TYR: variants seen among roughly 807,000 people sequenced by gnomAD.
The protein encoded by TYR is LB24-AB.
In TYR, 58 loss-of-function variants were observed where a neutral mutation model predicts 51.5. That is an observed-to-expected ratio of 1.13 (90% confidence interval 0.91 to 1.40). The LOEUF (loss-of-function observed/expected upper bound fraction) is 1.40, where lower values mean the gene tolerates loss of function less well. TYR is among the 40% of genes most tolerant of loss of function. TYR has a pLI of 0.00. For missense variants in TYR, 732 were observed against 647.4 expected (o/e 1.13, Z -1.42); for synonymous variants, 263 against 235.2 (o/e 1.12, Z -1.08).
At chr11:89,230,097 A>C (rs1388169636) in intron 3 of TYR, among the ~76,000 whole-genome samples, 1 of 152,142 alleles carries the variant, frequency 6.6e-6, no homozygotes, top group East Asian at 1.9e-4. Context: ...ATTTTGAGCA[A>C]AAAGAACAAA....
At chr11:89,180,781 C>G (rs565630368) in intron 1 of TYR, among the ~76,000 whole-genome samples, 10 of 152,082 alleles carry the variant, frequency 6.6e-5, no homozygotes, top group African/African-American at 2.4e-4. Flanking sequence ...GTGTCAAGGG[C>G]TTATTAGTGG....
At chr11:89,267,167 G>A (rs1179905170) in intron 3 of TYR, among the ~76,000 whole-genome samples, 2 of 151,932 alleles carry the variant, frequency 1.3e-5, no homozygotes, top group Non-Finnish European at 2.9e-5. Context: ...GAATATTTCA[G>A]TGAGGATGTT....
At chr11:89,263,276 T>G (rs1018284311) in intron 3 of TYR, among the ~76,000 whole-genome samples, 1 of 151,832 alleles carries the variant, frequency 6.6e-6, no homozygotes, top group Admixed American at 6.6e-5. Flanking sequence ...TCTCAATAGG[T>G]GCAGAAAAAG....
At chr11:89,219,087 T>A (rs571749768) in intron 2 of TYR, among the ~76,000 whole-genome samples, 2 of 152,312 alleles carry the variant, frequency 1.3e-5, no homozygotes, top group East Asian at 3.9e-4. Context: ...CTTAGAACCA[T>A]CCTTTTATTG....
In TYR at chr11:89,270,688, T is replaced by A. The variant is rs115433700; in HGVS notation, c.1185-14085T>A. Among the ~76,000 whole-genome samples the A allele has an allele frequency of 3.8e-4, 58 of 151,986 alleles. 1 individual carries two copies. In the East Asian group the frequency reaches 0.01, roughly 26 times the overall value. ...AAATGTTTAAATAATTTGAATAATT[T>A]AAAAAATTTAATCTTAAATAATTTA... On this transcript the variant is annotated intron_variant, in intron 3 of 4. Transcript: ENST00000263321.
intron 2 of TYR, among the ~76,000 whole-genome samples, chr11:89,213,574 T>C (rs7116589): frequency 0.22 from 32,795 of 152,088 alleles, 5,152 homozygotes; most frequent in African/African-American, 0.45. Flanking sequence ...CTTCACAGAA[T>C]TGGAAAAAAC....
chr11:89,222,738 T>TA (rs575145567), intron 2 of TYR, among the ~76,000 whole-genome samples: 169 of 147,182 alleles, frequency 1.1e-3, no homozygotes, highest in Middle Eastern at 0.011. Flanking sequence ...GACTCCATCT[T>TA]AAAAAAAAAA....
chr11:89,224,376 A>C lies in TYR; in HGVS notation c.1037-3447A>C, dbSNP rs7929736. 8.7e-3 allele frequency among the ~76,000 whole-genome samples: 1,324 copies of C among 152,220 alleles called. 19 individuals are homozygous for C. Among genetic ancestry groups the C allele is most frequent in the African/African-American group, 0.03 (1,265 of 41,532 alleles). On this transcript the variant is annotated intron_variant, in intron 2 of 4. Transcript: ENST00000263321. ...ACTTCCTCTCTTATCATTGAAGCCCAAAAAATATAAATAACTTGACAAGGA... is the reference window on the plus strand; with the variant it reads ...ACTTCCTCTCTTATCATTGAAGCCCCAAAAATATAAATAACTTGACAAGGA...
chr11:89,281,311 G>C (rs1944719595), intron 3 of TYR, among the ~76,000 whole-genome samples: 1 of 151,656 alleles, frequency 6.6e-6, no homozygotes, highest in African/African-American at 2.4e-5. Context: ...GGATCATAGG[G>C]CTTTGATATG....
intron 3 of TYR, among the ~76,000 whole-genome samples, chr11:89,282,454 A>G (rs979906645): frequency 6.6e-6 from 1 of 151,812 alleles, no homozygotes; most frequent in African/African-American, 2.4e-5. Flanking sequence ...TTTTTGGTAA[A>G]ATACAGGTAG....
intron 3 of TYR, among the ~76,000 whole-genome samples, chr11:89,274,443 G>T (rs192982103): frequency 2.0e-5 from 3 of 151,884 alleles, no homozygotes; most frequent in East Asian, 2.0e-4. Context: ...AATTAAATTG[G>T]CTCCTATATT....
At chr11:89,198,591 A>G (rs1943555032) in intron 2 of TYR, among the ~76,000 whole-genome samples, 1 of 152,094 alleles carries the variant, frequency 6.6e-6, no homozygotes. Flanking sequence ...TACTCCTCAC[A>G]TGTTATCTTA....
At chr11:89,193,333 GA>G (rs1333975568) in intron 2 of TYR, among the ~76,000 whole-genome samples, 1 of 151,986 alleles carries the variant, frequency 6.6e-6, no homozygotes, top group Non-Finnish European at 1.5e-5. Context: ...TCAAGTCAAA[GA>G]AAAAAAGTGG....
At chr11:89,198,320 G>T (rs7929015) in intron 2 of TYR, among the ~76,000 whole-genome samples, 3 of 151,856 alleles carry the variant, frequency 2.0e-5, no homozygotes, top group Non-Finnish European at 4.4e-5. Flanking sequence ...ATGGAGTGAC[G>T]CATTCTAGTA....
chr11:89,220,331 C>T (rs563827227), intron 2 of TYR, among the ~76,000 whole-genome samples: 7 of 152,234 alleles, frequency 4.6e-5, no homozygotes, highest in Admixed American at 1.3e-4. Flanking sequence ...TTTAAATCAT[C>T]AGATCTTGCG....
intron 2 of TYR, among the ~76,000 whole-genome samples, chr11:89,223,172 A>C (rs1422010644): frequency 6.6e-6 from 1 of 152,224 alleles, no homozygotes; most frequent in Non-Finnish European, 1.5e-5. Flanking sequence ...TAACTTCTAT[A>C]AGCTGTAGTT....
chr11:89,206,517 G>T (rs12805094), intron 2 of TYR, among the ~76,000 whole-genome samples: 19 of 152,226 alleles, frequency 1.2e-4, no homozygotes, highest in South Asian at 6.2e-4. Context: ...CTAAAAGGAA[G>T]AAATAGACAA....
At chr11:89,206,842 C>T (rs537598260) in intron 2 of TYR, among the ~76,000 whole-genome samples, 1 of 152,144 alleles carries the variant, frequency 6.6e-6, no homozygotes, top group Admixed American at 6.5e-5. Context: ...GATCTTCAAA[C>T]ACTTAGAAAC....
At chr11:89,263,984 A>C (rs1023132220) in intron 3 of TYR, among the ~76,000 whole-genome samples, 10 of 152,094 alleles carry the variant, frequency 6.6e-5, no homozygotes, top group African/African-American at 2.4e-4. Flanking sequence ...TCATGATTCA[A>C]ATGCCACAGA....
Sources: allele counts gnomAD v4.1 joint callset (sites outside exome capture counted in the v4.1 genomes callset), GRCh38; gene constraint gnomAD v4.1.1; transcripts MANE v1.5; gene names NCBI Gene and HGNC (gene_info 2026-07-23, HGNC 2026-07-21).